Variants in FGF14 observed in about 807,000 individuals in gnomAD.
FGF14 encodes fibroblast growth factor 14.
A neutral mutation model predicts 25.5 loss-of-function variants in FGF14; 5 were observed. The ratio of observed to expected loss-of-function variants is 0.20; its 90% CI spans 0.10 to 0.41. The LOEUF (loss-of-function observed/expected upper bound fraction) is 0.41. Among genes scored for constraint, FGF14 ranks in the 10% least tolerant of loss-of-function variants. The probability of loss-of-function intolerance (pLI) is 1.00; values close to 1 mark genes in which losing one functional copy is unlikely to be tolerated. For missense variants in FGF14, 222 were observed against 320.1 expected (o/e 0.69, Z 2.34); for synonymous variants, 138 against 118.3 (o/e 1.17, Z -1.08).
intron 3 of FGF14, among the ~76,000 whole-genome samples, chr13:101,859,953 T>C (rs976681415): frequency 2.0e-5 from 3 of 152,034 alleles, no homozygotes; most frequent in Non-Finnish European, 4.4e-5. Context: ...TCTATTTTTA[T>C]TGTTTTTTTT....
Position 102,038,531 on chromosome 13 carries a change from C to T in FGF14, c.209-163235G>A, listed in dbSNP as rs557013993. Among the ~76,000 whole-genome samples, 404 of 152,272 alleles carry T rather than the reference C, an allele frequency of 2.7e-3. 3 individuals carry two copies. The highest frequency in any genetic ancestry group is 9.2e-3 in the African/African-American group (381 of 41,578). On this transcript the variant is annotated intron_variant, in intron 1 of 4. Transcript: ENST00000376131. ...TTACAATAGGAACCATACATTTTCA[C>T]ATTCATCATGAATAACTTGTTTTCA...
intron 3 of FGF14, among the ~76,000 whole-genome samples, chr13:101,749,416 C>T (rs944308903): frequency 6.6e-6 from 1 of 151,690 alleles, no homozygotes; most frequent in Non-Finnish European, 1.5e-5. Context: ...AAAGTCAATC[C>T]CAAAGGTTAC....
At chr13:102,134,226 G>C (rs2046317366) in intron 1 of FGF14, among the ~76,000 whole-genome samples, 1 of 152,130 alleles carries the variant, frequency 6.6e-6, no homozygotes, top group Admixed American at 6.5e-5. Context: ...AGAGAGAAGT[G>C]TGTTCAGTCA....
At chr13:101,966,665 T>A (rs929974510) in intron 1 of FGF14, among the ~76,000 whole-genome samples, 2 of 152,036 alleles carry the variant, frequency 1.3e-5, no homozygotes, top group Non-Finnish European at 2.9e-5. Context: ...GTATTTTTAG[T>A]AGAGATGGGG....
intron 1 of FGF14, among the ~76,000 whole-genome samples, chr13:102,115,903 G>A (rs990319739): frequency 2.6e-5 from 4 of 152,080 alleles, no homozygotes; most frequent in African/African-American, 9.7e-5. Flanking sequence ...CCTGAGGCCG[G>A]GAGTTCAAGA....
chr13:102,156,230 T>C (rs1419426067), intron 1 of FGF14, among the ~76,000 whole-genome samples: 1 of 152,044 alleles, frequency 6.6e-6, no homozygotes, highest in Non-Finnish European at 1.5e-5. Flanking sequence ...TAGACCAATA[T>C]CCCTGATGAA....
At chr13:102,084,984 C>G (rs2043822331) in intron 1 of FGF14, among the ~76,000 whole-genome samples, 1 of 152,190 alleles carries the variant, frequency 6.6e-6, no homozygotes, top group African/African-American at 2.4e-5. Context: ...CCCCACAACT[C>G]CCAGCAGTTA....
intron 1 of FGF14, among the ~76,000 whole-genome samples, chr13:102,275,416 A>G (rs962623437): frequency 5.3e-5 from 8 of 152,250 alleles, no homozygotes; most frequent in Middle Eastern, 3.4e-3. Flanking sequence ...ATATTTTTTT[A>G]CAACCTCTGA....
At chr13:102,204,796 C>T (rs901265355) in intron 1 of FGF14, among the ~76,000 whole-genome samples, 6 of 152,052 alleles carry the variant, frequency 3.9e-5, no homozygotes, top group African/African-American at 1.2e-4. Context: ...GCTCCCACCT[C>T]GGCCTCCCAA....
At chr13:102,361,691 A>G (rs1474656717) in intron 1 of FGF14, among the ~76,000 whole-genome samples, 2 of 152,114 alleles carry the variant, frequency 1.3e-5, no homozygotes, top group Non-Finnish European at 2.9e-5. Context: ...TTCGTTTCCA[A>G]ACTTTTGTCT....
chr13:101,772,566 C>A (rs182385903), intron 3 of FGF14, among the ~76,000 whole-genome samples: 2 of 152,002 alleles, frequency 1.3e-5, no homozygotes, highest in Non-Finnish European at 2.9e-5. Flanking sequence ...GCGAAATTTT[C>A]TATTAATTAA....
At chr13:101,873,608 G>A (rs1220846236) in intron 2 of FGF14, among the ~76,000 whole-genome samples, 3 of 152,192 alleles carry the variant, frequency 2.0e-5, no homozygotes, top group African/African-American at 4.8e-5. Flanking sequence ...TAACACGTAA[G>A]AGAAAGGAAA....
In FGF14 at chr13:102,006,724, C is replaced by CTTT. The variant is rs1566562317; in HGVS notation, c.209-131429_209-131428insAAA. 1.9e-4 allele frequency among the ~76,000 whole-genome samples: 19 copies of CTTT among 97,934 alleles called. 1 individual carries two copies. Among genetic ancestry groups the CTTT allele is most frequent in the African/African-American group, 4.9e-4 (12 of 24,406 alleles). 64.2% of individuals were successfully genotyped at this position (97,934 alleles called of 152,430 possible). On this transcript the variant is annotated intron_variant, in intron 1 of 4. Coordinates refer to the FGF14 transcript ENST00000376131. ...CTGAAATATGAGTCACAAAATCTTACTTCTTTTTTTTTTTTTTTTTTTTTT... is the reference window on the plus strand; with the variant it reads ...CTGAAATATGAGTCACAAAATCTTACTTTTTCTTTTTTTTTTTTTTTTTTTTTT...
intron 3 of FGF14, among the ~76,000 whole-genome samples, chr13:101,806,899 G>A (rs1302928841): frequency 2.0e-5 from 3 of 152,036 alleles, no homozygotes; most frequent in East Asian, 1.9e-4. Flanking sequence ...TAGAGCTTCC[G>A]AATTCAACAT....
At chr13:101,849,976 A>C (rs981569731) in intron 3 of FGF14, among the ~76,000 whole-genome samples, 1 of 152,006 alleles carries the variant, frequency 6.6e-6, no homozygotes, top group African/African-American at 2.4e-5. Context: ...CACAAGTTAG[A>C]ATTTTTTATA....
rs1230207304 is a variant in FGF14 at position 101,720,679 on chromosome 13, G to GATCT, written c.*2148_*2151dup. The GATCT allele has an allele frequency of 6.6e-6, 1 of 151,864 alleles. No homozygotes were observed. Among genetic ancestry groups the GATCT allele is most frequent in the African/African-American group, 2.4e-5 (1 of 41,328 alleles). The allele number at this position is 151,864 out of a possible 1,614,324, so 9.4% of individuals were successfully genotyped here. On this transcript the variant is annotated 3_prime_UTR_variant, in exon 5 of 5. Coordinates refer to ENST00000376143, the MANE Select transcript of FGF14 (RefSeq NM_004115.4). ...TCATATAGTTGGCCACATATTATGG[G>GATCT]ATCTATGTTTTCTGAAAATAATTGG...
intron 1 of FGF14, among the ~76,000 whole-genome samples, chr13:102,310,759 T>C (rs2055718810): frequency 7.2e-6 from 1 of 138,818 alleles, no homozygotes; most frequent in Non-Finnish European, 1.5e-5. Context: ...TTCTATAAGG[T>C]AGCCAGCCCC....
intron 1 of FGF14, among the ~76,000 whole-genome samples, chr13:101,952,069 C>T (rs567388133): frequency 6.6e-6 from 1 of 152,162 alleles, no homozygotes; most frequent in South Asian, 2.1e-4. Context: ...TTGTCAAGTG[C>T]CTACTATTTT....
chr13:102,357,758 T>G (rs1281997001), intron 1 of FGF14, among the ~76,000 whole-genome samples: 1 of 152,196 alleles, frequency 6.6e-6, no homozygotes, highest in African/African-American at 2.4e-5. Flanking sequence ...TGTTCTTGTC[T>G]GGTAGGCAAG....
Sources: gnomAD v4.1 joint callset for allele counts (sites outside exome capture counted in the v4.1 genomes callset) on GRCh38, gnomAD v4.1.1 for gene constraint, MANE v1.5 for transcripts, NCBI Gene and HGNC (gene_info 2026-07-23, HGNC 2026-07-21) for gene names.